Variants in ARHGAP25 observed in about 807,000 individuals in gnomAD.
The protein encoded by ARHGAP25 is Rho GTPase activating protein 25.
In ARHGAP25, 34 loss-of-function variants were observed where a neutral mutation model predicts 71.0. The ratio of observed to expected loss-of-function variants is 0.48; its 90% CI spans 0.36 to 0.64. ARHGAP25 has a LOEUF of 0.64. Among genes scored for constraint, ARHGAP25 ranks in the 30% least tolerant of loss-of-function variants. ARHGAP25 has a pLI of 0.00. For missense variants in ARHGAP25, 706 were observed against 805.1 expected, an observed-to-expected ratio of 0.88 and a Z score of 1.49; for synonymous variants, 282 against 296.5, an observed-to-expected ratio of 0.95 and a Z score of 0.50.
chr2:68,717,370 C>T (rs1378765375), intron 2 of ARHGAP25, among the ~76,000 whole-genome samples: 2 of 152,152 alleles, frequency 1.3e-5, no homozygotes, highest in Non-Finnish European at 2.9e-5. Context: ...TTAAAAGGCA[C>T]AGTATGGGAG....
intron 1 of ARHGAP25, among the ~76,000 whole-genome samples, chr2:68,745,594 G>A (rs7593402): frequency 0.83 from 126,726 of 152,120 alleles, 53,215 homozygotes; most frequent in Non-Finnish European, 0.88. Flanking sequence ...GCTGAACATC[G>A]CTGGAGAAGA....
chr2:68,789,601 C>T (rs1409436193), intron 4 of ARHGAP25, among the ~76,000 whole-genome samples: 1 of 152,160 alleles, frequency 6.6e-6, no homozygotes, highest in Non-Finnish European at 1.5e-5. Context: ...TTAGCTGTGA[C>T]CATCCTTATT....
chr2:68,796,990 G>A (rs993185630), intron 4 of ARHGAP25, among the ~76,000 whole-genome samples: 10 of 152,312 alleles, frequency 6.6e-5, no homozygotes, highest in South Asian at 2.1e-4. Context: ...CTAGTAGATG[G>A]TGCTTGCAGG....
intron 2 of ARHGAP25, among the ~76,000 whole-genome samples, chr2:68,727,013 C>G (rs1674899737): frequency 6.6e-6 from 1 of 151,856 alleles, no homozygotes; most frequent in African/African-American, 2.4e-5. Flanking sequence ...AAGATATAGA[C>G]TATTAAAATC....
chr2:68,725,188 A>G (rs1488259477), intron 2 of ARHGAP25, among the ~76,000 whole-genome samples: 1 of 152,202 alleles, frequency 6.6e-6, no homozygotes, highest in African/African-American at 2.4e-5. Flanking sequence ...TGAGCAGGCC[A>G]CGCTGGTGCA....
At chr2:68,791,734 C>T (rs1048884966) in intron 4 of ARHGAP25, among the ~76,000 whole-genome samples, 1 of 152,150 alleles carries the variant, frequency 6.6e-6, no homozygotes, top group Non-Finnish European at 1.5e-5. Flanking sequence ...GCCGATGCCT[C>T]TTCTGGCTTG....
Position 68,818,094 on chromosome 2 carries a change from A to C in ARHGAP25, c.1003+100A>C, listed in dbSNP as rs1003617483. 9 of 1,477,994 alleles carry C rather than the reference A, an allele frequency of 6.1e-6. No homozygotes were observed. The Admixed American group carries it at 1.0e-4, about 17-fold the overall frequency. 91.6% of individuals were successfully genotyped at this position (1,477,994 alleles called of 1,614,324 possible). The stretch of plus-strand genomic sequence containing the variant: ...TGCTCTGTAGTTTCCCAAGCATTTT[A>C]AGCTGGTTATCAATCTCATCTGAAT... On this transcript the variant is annotated intron_variant, in intron 8 of 10. Transcript: ENST00000409202.
chr2:68,803,004 C>CATAT (rs376871092), intron 4 of ARHGAP25, among the ~76,000 whole-genome samples: 1 of 142,446 alleles, frequency 7.0e-6, no homozygotes, highest in African/African-American at 2.5e-5. Flanking sequence ...TACATACATA[C>CATAT]ATATATATAT....
At chr2:68,748,879 GAAACTCA>G in intron 1 of ARHGAP25, among the ~76,000 whole-genome samples, 1 of 152,178 alleles carries the variant, frequency 6.6e-6, no homozygotes, top group Non-Finnish European at 1.5e-5. Context: ...CTTGATGATT[GAAACTCA>G]AGTGTGGGCA....
intron 5 of ARHGAP25, 109 bp from the exon 6 acceptor site, chr2:68,813,178 C>G: frequency 1.5e-6 from 2 of 1,313,814 alleles, no homozygotes; most frequent in Middle Eastern, 2.3e-4. Context: ...TGCAAAATTT[C>G]CCTTTGTAAT....
intron 1 of ARHGAP25, among the ~76,000 whole-genome samples, chr2:68,755,936 T>C (rs1676456673): frequency 6.6e-6 from 1 of 152,274 alleles, no homozygotes; most frequent in South Asian, 2.1e-4. Flanking sequence ...TTGATGAATC[T>C]CTATTTGGTA....
At chr2:68,727,892 AT>A (rs1674922662) in intron 2 of ARHGAP25, among the ~76,000 whole-genome samples, 1 of 152,252 alleles carries the variant, frequency 6.6e-6, no homozygotes, top group Admixed American at 6.5e-5. Context: ...AGCAGATCTA[AT>A]CACTCCTAGA....
chr2:68,711,728 C>T (rs1427797013), intron 2 of ARHGAP25, among the ~76,000 whole-genome samples: 3 of 124,644 alleles, frequency 2.4e-5, no homozygotes, highest in Non-Finnish European at 4.7e-5. Flanking sequence ...TCCATGTGTT[C>T]TCATTGTTCA....
intron 1 of ARHGAP25, among the ~76,000 whole-genome samples, chr2:68,758,636 G>A (rs1030291843): frequency 1.6e-4 from 24 of 151,790 alleles, no homozygotes; most frequent in African/African-American, 4.6e-4. Flanking sequence ...ATTGAAGGGA[G>A]AAATAGGCAG....
chr2:68,749,835 T>C (rs1441343922), intron 1 of ARHGAP25, among the ~76,000 whole-genome samples: 1 of 152,210 alleles, frequency 6.6e-6, no homozygotes, highest in South Asian at 2.1e-4. Context: ...GTGCCATAAG[T>C]GTTGCTAAGA....
Position 68,810,128 on chromosome 2 carries a change from TAAAAAAAAA to T in ARHGAP25, c.674+2659_674+2667del, listed in dbSNP as rs11332513. 9.3e-5 allele frequency among the ~76,000 whole-genome samples: 12 copies of T among 129,146 alleles called. No individual in the cohort carries two copies. The South Asian group carries it at 2.5e-3, about 27-fold the overall frequency. 84.7% of individuals were successfully genotyped at this position (129,146 alleles called of 152,430 possible). On this transcript the variant is annotated intron_variant, in intron 5 of 10. Transcript: ENST00000409202. ...TCCTGACTTACTCTTAGCCCTTGAT[TAAAAAAAAA>T]AAAAAAAAAAGAATCATTTAAGGGT...
In ARHGAP25 at chr2:68,807,302, G is replaced by A. The variant is rs775919884; in HGVS notation, c.496G>A (p.Val166Met). Residue 166 changes from valine (V) to methionine (M), a missense_variant, in exon 5 of 11, where the codon GTG becomes ATG. By Grantham distance (21) the Val-to-Met change is conservative. Transcript: ENST00000409202. ...GTTTGGCCAGCGCTTGGATGAGACT[G>A]TGGCCTATGAACAGAAATTCGGCCC... ...AVFGQRLDET[V>M]AYEQKFGPHL... The A allele has an allele frequency of 1.2e-6, 2 of 1,614,254 alleles. No individual in the cohort carries two copies. The highest frequency in any genetic ancestry group is 1.1e-5 in the South Asian group (1 of 91,090).
chr2:68,772,573 A>AT (rs1310984148), intron 1 of ARHGAP25, among the ~76,000 whole-genome samples: 2 of 152,108 alleles, frequency 1.3e-5, no homozygotes, highest in African/African-American at 4.8e-5. Flanking sequence ...TATCTTTTTC[A>AT]TTTTTGCCTA....
At chr2:68,772,416 T>A (rs1440079305) in intron 1 of ARHGAP25, among the ~76,000 whole-genome samples, 1 of 152,270 alleles carries the variant, frequency 6.6e-6, no homozygotes, top group African/African-American at 2.4e-5. Flanking sequence ...GGGTCCTCCC[T>A]ATCATGTCTG....
Sources: allele counts gnomAD v4.1 joint callset (sites outside exome capture counted in the v4.1 genomes callset), GRCh38; gene constraint gnomAD v4.1.1; transcripts MANE v1.5; gene names NCBI Gene and HGNC (gene_info 2026-07-23, HGNC 2026-07-21).